The following NADK variants were observed in gnomAD, a reference collection of about 807,000 sequenced individuals.
The protein encoded by NADK is NAD kinase.
Under a neutral mutation model 49.8 loss-of-function variants are expected in NADK, and 22 were observed. The ratio of observed to expected loss-of-function variants is 0.44; its 90% CI spans 0.32 to 0.63. The LOEUF (loss-of-function observed/expected upper bound fraction) is 0.63, where lower values mean the gene tolerates loss of function less well. Ranked by LOEUF, NADK falls within the 30% of genes least tolerant of loss-of-function variation. The pLI, the probability that NADK is intolerant of heterozygous loss-of-function variation, is 0.06. For missense variants in NADK, 438 were observed against 609.4 expected, an observed-to-expected ratio of 0.72 and a Z score of 2.96; for synonymous variants, 268 against 253.7, an observed-to-expected ratio of 1.06 and a Z score of -0.54.
At chr1:1,762,404 C>T (rs1467351560) in intron 2 of NADK, among the ~76,000 whole-genome samples, 1 of 152,230 alleles carries the variant, frequency 6.6e-6, no homozygotes, top group African/African-American at 2.4e-5. Flanking sequence ...AACATCTCAT[C>T]TCTAAATCGT....
chr1:1,771,319 C>T (rs1026092632), intron 1 of NADK, among the ~76,000 whole-genome samples: 28 of 152,054 alleles, frequency 1.8e-4, no homozygotes, highest in African/African-American at 6.8e-4. Flanking sequence ...TAGTTCTCAT[C>T]AAATTGATCT....
chr1:1,770,854 G>C (rs570309124), intron 1 of NADK, among the ~76,000 whole-genome samples: 1 of 151,882 alleles, frequency 6.6e-6, no homozygotes, highest in South Asian at 2.1e-4. Flanking sequence ...TTTGTGACTA[G>C]CCTGACCAAC....
chr1:1,776,474 A>G (rs1049602587), intron 1 of NADK, among the ~76,000 whole-genome samples: 5 of 151,932 alleles, frequency 3.3e-5, no homozygotes, highest in Non-Finnish European at 7.4e-5. Flanking sequence ...ACAAACAAAC[A>G]AAAAGACTGG....
intron 1 of NADK, among the ~76,000 whole-genome samples, chr1:1,773,539 C>G (rs1301222518): frequency 1.3e-5 from 2 of 151,576 alleles, no homozygotes; most frequent in Non-Finnish European, 2.9e-5. Flanking sequence ...TCACCTGAAG[C>G]CAGGAATTGG....
chr1:1,758,472 G>C (rs889000354), intron 3 of NADK: 10 of 1,612,422 alleles, frequency 6.2e-6, no homozygotes, highest in Non-Finnish European at 8.5e-6. Context: ...TGCCTGCTGG[G>C]AGCCGGCCAG....
rs764287623 is a variant in NADK, at chr1:1,755,488, C to T, written c.586-12G>A. ...GGAGGGACGCTGCCCTGTGAGCCGACGGAGAGGTCACTCAGTGCCCACGCC... is the reference window on the plus strand; with the variant it reads ...GGAGGGACGCTGCCCTGTGAGCCGATGGAGAGGTCACTCAGTGCCCACGCC... On this transcript the variant is annotated splice_polypyrimidine_tract_variant and intron_variant, in intron 6 of 11. Transcript: ENST00000341426. 12 of 1,609,316 alleles carry T rather than the reference C, an allele frequency of 7.5e-6. No homozygotes were observed. Among genetic ancestry groups the T allele is most frequent in the Middle Eastern group, 1.7e-4 (1 of 6,034 alleles).
chr1:1,764,216 A>G (rs959737807), intron 2 of NADK, among the ~76,000 whole-genome samples: 23 of 152,184 alleles, frequency 1.5e-4, no homozygotes, highest in African/African-American at 5.6e-4. Context: ...ACTTTTCACC[A>G]AAAAGCCCCC....
chr1:1,753,734 T>G, intron 10 of NADK, 85 bp from the exon 11 acceptor site: 1 of 1,273,352 alleles, frequency 7.9e-7, no homozygotes, highest in Non-Finnish European at 1.1e-6. Flanking sequence ...TCGCCAGAGG[T>G]CGAAGGTTGG....
At chr1:1,756,674 G>A (rs774380905) in intron 4 of NADK, 66 bp from the exon 5 acceptor site, 91 of 1,608,208 alleles carry the variant, frequency 5.7e-5, no homozygotes, top group South Asian at 1.7e-4. Context: ...GGAGGTTCCC[G>A]ACTCACGGGC....
Position 1,754,067 on chromosome 1 carries a change from G to A in NADK, c.1085C>T (p.Ala362Val). ...GGCTCTGACCTTCAGCTCGACCCCT[G>A]CGGGGACCACGATGGGCCGGAAGGA... Reference protein sequence around the residue: ...SLSFRPIVVPAGVELKIMLSP... With the variant: ...SLSFRPIVVPVGVELKIMLSP... Residue 362 changes from alanine to valine, a missense_variant, in exon 10 of 12, where the codon GCA becomes GTA. Coordinates refer to ENST00000341426, the MANE Select transcript of NADK (RefSeq NM_023018.5). The surrounding 1 kb of genome is among the most constrained non-coding windows in gnomAD (Gnocchi z 4.3). The A allele has an allele frequency of 6.3e-7, 1 of 1,596,696 alleles. No individual in the cohort carries two copies. The highest frequency in any genetic ancestry group is 1.1e-5 in the South Asian group (1 of 90,280).
upstream of NADK, chr1:1,780,405 T>C (rs1646330373): frequency 6.6e-6 from 1 of 152,232 alleles, no homozygotes; most frequent in Admixed American, 6.5e-5. Flanking sequence ...GCCCTTCGCG[T>C]GTCCCGCTGT....
chr1:1,777,096 A>G (rs539865995), intron 1 of NADK, among the ~76,000 whole-genome samples: 2 of 152,178 alleles, frequency 1.3e-5, no homozygotes, highest in Non-Finnish European at 2.9e-5. Context: ...ACACACATAT[A>G]CACACAGAAA....
At chr1:1,758,959 C>A (rs1214319503) in intron 3 of NADK, 15 of 1,158,904 alleles carry the variant, frequency 1.3e-5, no homozygotes, top group East Asian at 8.4e-5. Context: ...GCGTTCCCTG[C>A]CTCCTAGCCC....
In NADK at chr1:1,762,011, T is replaced by C. The variant is rs1645739817; in HGVS notation, c.204A>G (p.Pro68=). Reference sequence around the variant, plus strand: ...TTGGTCCAAAAGTGGTCACCGGGCATGGCCCATGAAGAGAGCGTGTCCTCC... The same window carrying C: ...TTGGTCCAAAAGTGGTCACCGGGCACGGCCCATGAAGAGAGCGTGTCCTCC... ...EFRRTRSLHG[P]CPVTTFGPKA... Residue 68 remains proline (P), a synonymous_variant, in exon 3 of 12, where the codon CCA becomes CCG. Coordinates refer to ENST00000341426, the MANE Select transcript of NADK (RefSeq NM_023018.5). 1.2e-6 allele frequency: 2 copies of C among 1,614,054 alleles called. No homozygotes were observed. Among genetic ancestry groups the C allele is most frequent in the Admixed American group, 1.7e-5 (1 of 60,034 alleles).
intron 2 of NADK, 24 bp downstream of exon 2, chr1:1,765,204 A>G: frequency 6.5e-7 from 1 of 1,543,370 alleles, no homozygotes; most frequent in Non-Finnish European, 8.7e-7. Context: ...GAAAAAAAAG[A>G]GGAACCATCC....
At chr1:1,763,662 A>C (rs1645799123) in intron 2 of NADK, among the ~76,000 whole-genome samples, 1 of 151,952 alleles carries the variant, frequency 6.6e-6, no homozygotes, top group Non-Finnish European at 1.5e-5. Context: ...TACATTACAA[A>C]AGAATTTTAC....
intron 3 of NADK, among the ~76,000 whole-genome samples, chr1:1,760,664 C>T (rs1015334860): frequency 5.3e-5 from 8 of 150,534 alleles, no homozygotes; most frequent in African/African-American, 1.2e-4. Context: ...TCCATGACTC[C>T]GTGAAGGAGG....
In NADK at chr1:1,754,489, GACCGAAGTCGCCCCAC is replaced by G; in HGVS notation, c.843+39_843+54del. 2.1e-6 allele frequency: 1 copy of G among 468,756 alleles called. No homozygotes were observed. Among genetic ancestry groups the G allele is most frequent in the Non-Finnish European group, 3.4e-6 (1 of 294,426 alleles). The allele number at this position is 468,756 out of a possible 1,614,324, so 29.0% of individuals were successfully genotyped here. On this transcript the variant is annotated intron_variant, in intron 8 of 11. Transcript: ENST00000341426. The surrounding 1 kb of genome is among the most constrained non-coding windows in gnomAD (Gnocchi z 4.3). ...CTCTCCGGAAGGTCCTCATCCCTGG[GACCGAAGTCGCCCCAC>G]CCTGGGCCCCTCACCGAGGCCGAGG...
rs1469275380 is a variant in NADK, at chr1:1,778,346, C to CCCGCCGCCGCG, written c.-109_-99dup. The CCCGCCGCCGCG allele has an allele frequency of 6.6e-6, 1 of 151,026 alleles. No homozygotes were observed. The highest frequency in any genetic ancestry group is 1.5e-5 in the Non-Finnish European group (1 of 67,708). 9.4% of individuals were successfully genotyped at this position (151,026 alleles called of 1,614,324 possible). ...TACATGCCGGACCGAGCCCGCAGGC[C>CCCGCCGCCGCG]CCGCCGCCGCGCCGCCGCCAGCCGT... is the stretch of plus-strand genomic sequence containing the variant. On this transcript the variant is annotated 5_prime_UTR_variant, in exon 1 of 12. Transcript: ENST00000341426. The surrounding 1 kb of genome is among the most constrained non-coding windows in gnomAD (Gnocchi z 4.9).
Sources: gnomAD v4.1 joint callset for allele counts (sites outside exome capture counted in the v4.1 genomes callset) on GRCh38, gnomAD v4.1.1 for gene constraint, Gnocchi (gnomAD v3.1) non-coding constraint, MANE v1.5 for transcripts, NCBI Gene and HGNC (gene_info 2026-07-23, HGNC 2026-07-21) for gene names.